The following NCAN variants were observed in gnomAD, a reference collection of about 807,000 sequenced individuals.
NCAN encodes the protein neurocan core protein.
Under a neutral mutation model 121.8 loss-of-function variants are expected in NCAN, and 47 were observed. The observed-to-expected ratio is 0.39, with a 90% CI of 0.31 to 0.49. The LOEUF (loss-of-function observed/expected upper bound fraction) is 0.49. Among genes scored for constraint, NCAN ranks in the 20% least tolerant of loss-of-function variants. NCAN has a pLI of 0.92. For synonymous variants in NCAN, 633 were observed against 702.0 expected (o/e 0.90, Z 1.55); for missense variants, 1,517 against 1,773.4 (o/e 0.86, Z 2.60).
intron 12 of NCAN, among the ~76,000 whole-genome samples, chr19:19,241,797 T>C (rs1160895595): frequency 2.0e-5 from 3 of 152,012 alleles, no homozygotes; most frequent in African/African-American, 7.2e-5. Context: ...AAATGTACAT[T>C]ATTCGGGTCA....
chr19:19,218,517 G>A (rs1414497265), intron 2 of NCAN, among the ~76,000 whole-genome samples: 1 of 151,652 alleles, frequency 6.6e-6, no homozygotes, highest in Non-Finnish European at 1.5e-5. Flanking sequence ...TTGTTGCCCA[G>A]GCTGGAGTGC....
chr19:19,243,390 C>T (rs912228111), intron 12 of NCAN, among the ~76,000 whole-genome samples: 52 of 151,540 alleles, frequency 3.4e-4, no homozygotes, highest in African/African-American at 1.1e-3. Flanking sequence ...GTGGCGTGCA[C>T]GTGTAATCCC....
intron 10 of NCAN, among the ~76,000 whole-genome samples, chr19:19,237,093 T>G (rs1009643109): frequency 2.0e-5 from 3 of 151,820 alleles, no homozygotes; most frequent in Non-Finnish European, 4.4e-5. Flanking sequence ...TTTTTTTTTT[T>G]TTGAAGTTTA....
In NCAN at chr19:19,218,984, A is replaced by G. The variant is rs578187378; in HGVS notation, c.143A>G (p.Gln48Arg). ...HMQKLGSGSV[Q>R]AALAELVALP... ...CAGAAGCTGGGGTCTGGGTCAGTGC[A>G]GGCTGCGCTGGCGGAGCTGGTGGCC... Residue 48 changes from glutamine to arginine, a missense_variant, in exon 3 of 15, where the codon CAG becomes CGG. Transcript: ENST00000252575. 3.2e-6 allele frequency: 5 copies of G among 1,584,662 alleles called. No homozygotes were observed. The African/African-American group carries it at 6.7e-5, about 21-fold the overall frequency.
At chr19:19,242,021 C>G (rs954924550) in intron 12 of NCAN, among the ~76,000 whole-genome samples, 4 of 151,822 alleles carry the variant, frequency 2.6e-5, no homozygotes, top group Admixed American at 2.6e-4. Flanking sequence ...GTGGTGAAAC[C>G]CCATCTCTAC....
intron 14 of NCAN, among the ~76,000 whole-genome samples, chr19:19,249,266 TC>T (rs939189134): frequency 7.2e-5 from 11 of 152,144 alleles, no homozygotes; most frequent in African/African-American, 2.7e-4. Context: ...AGACAGGGTT[TC>T]ACTATGTTGG....
chr19:19,215,622 A>G (rs1378715606), intron 1 of NCAN, among the ~76,000 whole-genome samples: 1 of 152,150 alleles, frequency 6.6e-6, no homozygotes, highest in Admixed American at 6.5e-5. Flanking sequence ...GGCAGGGGTG[A>G]GCCCCTTCCT....
At chr19:19,245,558 GCCTCC>G in intron 13 of NCAN, 101 bp downstream of exon 13, 5 of 1,357,826 alleles carry the variant, frequency 3.7e-6, no homozygotes, top group Non-Finnish European at 4.0e-6. Context: ...GCTCATCACA[GCCTCC>G]ACCGCCTGGG....
At chr19:19,241,182 T>G (rs901623036) in intron 12 of NCAN, among the ~76,000 whole-genome samples, 1 of 151,804 alleles carries the variant, frequency 6.6e-6, no homozygotes, top group Non-Finnish European at 1.5e-5. Flanking sequence ...CTTGAACCTG[T>G]GAGGCGGAGG....
intron 10 of NCAN, among the ~76,000 whole-genome samples, chr19:19,235,537 G>A (rs2060877925): frequency 1.3e-5 from 2 of 151,244 alleles, no homozygotes; most frequent in African/African-American, 4.9e-5. Flanking sequence ...ATCCCAAAGT[G>A]CTGGAATTAC....
At position 19,225,099 on chromosome 19, in the gene NCAN, C is replaced by T. The variant is rs564550626; in HGVS notation, c.901C>T (p.Leu301=). 218 of 1,535,920 alleles carry T rather than the reference C, an allele frequency of 1.4e-4. 2 individuals are homozygous for T. The South Asian group carries it at 2.5e-3, about 17-fold the overall frequency. The change falls in exon 6 of 15, where the codon CTG becomes TTG. Residue 301 remains leucine (L), a synonymous_variant. Transcript: ENST00000252575. The surrounding 1 kb of genome is among the most constrained non-coding windows in gnomAD (Gnocchi z 4.0). The part of the protein sequence containing the change: ...GQLHLAWHEG[L]DQCDPGWLAD... ...GCTGCACCTGGCCTGGCATGAGGGCCTGGACCAGTGCGACCCGGGCTGGCT... is the reference window on the plus strand; with the variant it reads ...GCTGCACCTGGCCTGGCATGAGGGCTTGGACCAGTGCGACCCGGGCTGGCT...
In NCAN at chr19:19,227,721, C is replaced by T. The variant is rs1488052583; in HGVS notation, c.2101C>T (p.Pro701Ser). The change falls in exon 8 of 15, where the codon CCC becomes TCC. Residue 701 changes from proline to serine, a missense_variant. By Grantham distance (74) the Pro-to-Ser change is moderately conservative. Transcript: ENST00000252575. This position sits in a 1 kb window ranked among gnomAD's most constrained non-coding sequence, Gnocchi z 4.2. ...GEAMPTTPES[P>S]RADFRETGET... ...GGCCATGCCCACAACACCTGAGTCC[C>T]CCAGGGCAGACTTCAGAGAAACTGG... The T allele has an allele frequency of 6.2e-7, 1 of 1,613,940 alleles. No individual in the cohort carries two copies. The highest frequency in any genetic ancestry group is 2.2e-5 in the East Asian group (1 of 44,888).
At chr19:19,221,977 A>G (rs772971472) in intron 3 of NCAN, among the ~76,000 whole-genome samples, 1 of 152,182 alleles carries the variant, frequency 6.6e-6, no homozygotes, top group African/African-American at 2.4e-5. Context: ...GACTCAGTGA[A>G]TGGATTATTG....
Position 19,234,008 on chromosome 19 carries a change from G to C in NCAN, c.3136+103G>C, listed in dbSNP as rs970592054. On this transcript the variant is annotated intron_variant, in intron 9 of 14. Coordinates refer to ENST00000252575, the MANE Select transcript of NCAN (RefSeq NM_004386.3). The stretch of plus-strand genomic sequence containing the variant: ...CCTCAGAATTCAGAGATCACAAAAA[G>C]CTGGTTTCAGATGCTCCATTCCCAA... 8 of 737,922 alleles carry C rather than the reference G, an allele frequency of 1.1e-5. No homozygotes were observed. In the African/African-American group the frequency reaches 1.4e-4, roughly 13 times the overall value. The allele number at this position is 737,922 out of a possible 1,614,324, so 45.7% of individuals were successfully genotyped here.
intron 3 of NCAN, among the ~76,000 whole-genome samples, chr19:19,223,638 A>AT (rs746341341): frequency 1.3e-5 from 2 of 151,692 alleles, no homozygotes; most frequent in Non-Finnish European, 2.9e-5. Context: ...ATGCCCAGCT[A>AT]TTTTTTGTAT....
intron 11 of NCAN, 67 bp from the exon 12 acceptor site, chr19:19,240,536 G>A (rs1277501386): frequency 2.6e-6 from 4 of 1,524,276 alleles, no homozygotes; most frequent in Non-Finnish European, 3.6e-6. Flanking sequence ...CACCTCACCT[G>A]CAGCCTGTGC....
chr19:19,218,999 A>G lies in NCAN; in HGVS notation c.158A>G (p.Glu53Gly). 6.3e-7 allele frequency: 1 copy of G among 1,598,482 alleles called. No individual in the cohort carries two copies. The highest frequency in any genetic ancestry group is 8.5e-7 in the Non-Finnish European group (1 of 1,170,774). The change falls in exon 3 of 15, where the codon GAG becomes GGG. Residue 53 changes from glutamate to glycine, a missense_variant. Coordinates refer to ENST00000252575, the MANE Select transcript of NCAN (RefSeq NM_004386.3). The stretch of plus-strand genomic sequence containing the variant: ...GGGTCAGTGCAGGCTGCGCTGGCGG[A>G]GCTGGTGGCCCTGCCCTGTCTCTTT... ...GSGSVQAALA[E>G]LVALPCLFTL... is the part of the protein sequence containing the mutation.
Position 19,212,608 on chromosome 19 carries a change from G to A in NCAN, c.-8+544G>A, listed in dbSNP as rs1170486235. Among the ~76,000 whole-genome samples, 1 of 152,208 alleles carries A rather than the reference G, an allele frequency of 6.6e-6. No individual in the cohort carries two copies. The highest frequency in any genetic ancestry group is 1.5e-5 in the Non-Finnish European group (1 of 68,028). On this transcript the variant is annotated intron_variant, in intron 1 of 14. Coordinates refer to ENST00000252575, the MANE Select transcript of NCAN (RefSeq NM_004386.3). The surrounding 1 kb of genome is among the most constrained non-coding windows in gnomAD (Gnocchi z 4.5). ...GAGAGCGAACGGCCATGGGGAAGGG[G>A]CTCCCTGCCATCTCCCTGTCCTTTT...
In NCAN at chr19:19,226,304, C is replaced by G. The variant is rs575665304; in HGVS notation, c.1073-182C>G. ...TGGCTCAGGTGGTCTCCAGCCTGAA[C>G]AGTGGAGGTGAAAATTTTGCACTTC... On this transcript the variant is annotated intron_variant, in intron 6 of 14. Coordinates refer to ENST00000252575, the MANE Select transcript of NCAN (RefSeq NM_004386.3). Among the ~76,000 whole-genome samples the G allele has an allele frequency of 9.9e-5, 15 of 152,240 alleles. No individual in the cohort carries two copies. In the South Asian group the frequency reaches 2.9e-3, roughly 29 times the overall value.
Sources: gnomAD v4.1 joint callset for allele counts (sites outside exome capture counted in the v4.1 genomes callset) on GRCh38, gnomAD v4.1.1 for gene constraint, Gnocchi (gnomAD v3.1) non-coding constraint, MANE v1.5 for transcripts, NCBI Gene and HGNC (gene_info 2026-07-23, HGNC 2026-07-21) for gene names.